CDH13: variants seen among roughly 807,000 people sequenced by gnomAD.
CDH13 encodes the protein cadherin-13.
A neutral mutation model predicts 63.8 loss-of-function variants in CDH13; 24 were observed. The observed-to-expected ratio is 0.38, with a 90% CI of 0.27 to 0.53. The LOEUF (loss-of-function observed/expected upper bound fraction) is 0.53. Among genes scored for constraint, CDH13 ranks in the 20% least tolerant of loss-of-function variants. CDH13 has a pLI of 0.85. For synonymous variants in CDH13, 503 were observed against 355.3 expected (o/e 1.42, Z -4.67); for missense variants, 1,049 against 903.1 (o/e 1.16, Z -2.07).
chr16:83,787,540 C>G (rs959186535), intron 13 of CDH13, among the ~76,000 whole-genome samples: 3 of 152,226 alleles, frequency 2.0e-5, no homozygotes, highest in African/African-American at 7.2e-5. Context: ...ATGACCAACG[C>G]TACTACAGTA....
rs561270578 is a variant in CDH13 at position 83,298,419 on chromosome 16, G to A, written c.637-46443G>A. On this transcript the variant is annotated intron_variant, in intron 5 of 13. Transcript: ENST00000567109. ...TCCCTGTGTAGCCCTTAGACAATAG[G>A]CATCAAAATTTCTTGAGTGTATGTG... Among the ~76,000 whole-genome samples, 5 of 152,194 alleles carry A rather than the reference G, an allele frequency of 3.3e-5. No homozygotes were observed. In the South Asian group the frequency reaches 8.3e-4, roughly 25 times the overall value.
chr16:82,894,240 C>G (rs903394184), intron 2 of CDH13, among the ~76,000 whole-genome samples: 1 of 152,124 alleles, frequency 6.6e-6, no homozygotes, highest in African/African-American at 2.4e-5. Context: ...CAGGTGTGAG[C>G]CACTCTGCCC....
intron 2 of CDH13, among the ~76,000 whole-genome samples, chr16:83,000,572 CTCT>C (rs1469279292): frequency 1.5e-5 from 2 of 133,962 alleles, no homozygotes; most frequent in African/African-American, 5.6e-5. Context: ...TTTTTCTTTT[CTCT>C]TTTTTTTTTT....
chr16:82,946,580 G>C (rs989244365), intron 2 of CDH13, among the ~76,000 whole-genome samples: 4 of 152,020 alleles, frequency 2.6e-5, no homozygotes, highest in East Asian at 1.9e-4. Context: ...AATTAGCCTG[G>C]CGTGGTGGCC....
chr16:82,688,089 G>C (rs1387245453), intron 1 of CDH13, among the ~76,000 whole-genome samples: 4 of 152,114 alleles, frequency 2.6e-5, no homozygotes, highest in Non-Finnish European at 5.9e-5. Context: ...TTACCTTTTT[G>C]TGAAGCTGGG....
At chr16:83,120,098 C>T (rs118122903) in intron 3 of CDH13, among the ~76,000 whole-genome samples, 2 of 151,988 alleles carry the variant, frequency 1.3e-5, no homozygotes, top group Non-Finnish European at 2.9e-5. Context: ...CACATGGTGA[C>T]TTCTCTACAA....
intron 5 of CDH13, among the ~76,000 whole-genome samples, chr16:83,278,206 T>A (rs1387362662): frequency 6.6e-6 from 1 of 152,208 alleles, no homozygotes; most frequent in Non-Finnish European, 1.5e-5. Context: ...TCTGGATTTT[T>A]AAAAAGTACA....
At chr16:83,281,616 C>G (rs943238888) in intron 5 of CDH13, among the ~76,000 whole-genome samples, 8 of 152,054 alleles carry the variant, frequency 5.3e-5, no homozygotes, top group African/African-American at 1.9e-4. Context: ...CGTCATTAAG[C>G]TTAATCAGTC....
At chr16:82,734,804 G>A (rs548991943) in intron 1 of CDH13, among the ~76,000 whole-genome samples, 3 of 152,280 alleles carry the variant, frequency 2.0e-5, no homozygotes, top group Admixed American at 2.0e-4. Context: ...TCTTTCAATG[G>A]CAACAACAGT....
chr16:83,487,642 C>T (rs2073920239), intron 7 of CDH13, among the ~76,000 whole-genome samples: 1 of 152,146 alleles, frequency 6.6e-6, no homozygotes, highest in African/African-American at 2.4e-5. Context: ...CTCCATCCAC[C>T]CTAAACCTGC....
At chr16:83,127,593 A>C (rs1350226614) in intron 4 of CDH13, among the ~76,000 whole-genome samples, 1 of 152,004 alleles carries the variant, frequency 6.6e-6, no homozygotes, top group South Asian at 2.1e-4. Context: ...AGCCAGTGTC[A>C]TGGCACGCCT....
intron 3 of CDH13, among the ~76,000 whole-genome samples, chr16:83,055,574 T>C (rs1377378290): frequency 4.0e-5 from 6 of 151,724 alleles, no homozygotes; most frequent in Non-Finnish European, 7.4e-5. Flanking sequence ...AAAAGAAATA[T>C]AAAATCTGGT....
intron 2 of CDH13, among the ~76,000 whole-genome samples, chr16:82,960,983 C>A (rs112687770): frequency 6.6e-6 from 1 of 152,140 alleles, no homozygotes; most frequent in Admixed American, 6.5e-5. Context: ...TGGAATGTTC[C>A]ACATTGGGTT....
rs935220139 is a variant in CDH13, at chr16:83,796,173, T to C, written c.*1143T>C. On this transcript the variant is annotated 3_prime_UTR_variant, in exon 14 of 14. Coordinates refer to ENST00000567109, the MANE Select transcript of CDH13 (RefSeq NM_001257.5). Reference sequence around the variant, plus strand: ...GTAACTGATTTGTATTCTGTGAGCATGTAAAAGCGGAAAGTTAGTGCTTGT... The same window carrying C: ...GTAACTGATTTGTATTCTGTGAGCACGTAAAAGCGGAAAGTTAGTGCTTGT... 6.6e-6 allele frequency: 1 copy of C among 152,500 alleles called. No homozygotes were observed. Among genetic ancestry groups the C allele is most frequent in the African/African-American group, 2.4e-5 (1 of 41,460 alleles). The allele number at this position is 152,500 out of a possible 1,614,324, so 9.4% of individuals were successfully genotyped here. A position where few individuals can be genotyped will look rare whatever the true frequency, so the allele number is the denominator to read the frequency against.
rs536606465 is a variant in CDH13 at position 83,058,867 on chromosome 16, A to G, written c.366+26649A>G. Among the ~76,000 whole-genome samples, 6 of 152,294 alleles carry G rather than the reference A, an allele frequency of 3.9e-5. No individual in the cohort carries two copies. In the East Asian group the frequency reaches 9.6e-4, roughly 24 times the overall value. The stretch of plus-strand genomic sequence containing the variant: ...AGATTATCTCTCTTCCAGGACTCTA[A>G]CAAGGCTTTGCAAGGATATTTTCTT... On this transcript the variant is annotated intron_variant, in intron 3 of 13. Transcript: ENST00000567109.
chr16:83,145,237 T>G (rs2036700702), intron 4 of CDH13, among the ~76,000 whole-genome samples: 1 of 152,168 alleles, frequency 6.6e-6, no homozygotes, highest in Non-Finnish European at 1.5e-5. Flanking sequence ...GCTGACAAAC[T>G]CGGAGCAGGG....
At chr16:82,812,084 C>A (rs1277035702) in intron 1 of CDH13, among the ~76,000 whole-genome samples, 1 of 152,134 alleles carries the variant, frequency 6.6e-6, no homozygotes, top group African/African-American at 2.4e-5. Context: ...CTGTGCCACC[C>A]TTTGTCTCTA....
At chr16:82,992,006 C>G (rs1911714060) in intron 2 of CDH13, among the ~76,000 whole-genome samples, 1 of 151,984 alleles carries the variant, frequency 6.6e-6, no homozygotes, top group South Asian at 2.1e-4. Context: ...GAAATAATTT[C>G]TAGCAAATTA....
At chr16:82,805,336 GTCTT>G (rs1228110766) in intron 1 of CDH13, among the ~76,000 whole-genome samples, 1 of 152,156 alleles carries the variant, frequency 6.6e-6, no homozygotes, top group Non-Finnish European at 1.5e-5. Flanking sequence ...GGAACTTTTG[GTCTT>G]TCTTCTCATT....
Sources: gnomAD v4.1 joint callset for allele counts (sites outside exome capture counted in the v4.1 genomes callset) on GRCh38, gnomAD v4.1.1 for gene constraint, MANE v1.5 for transcripts, NCBI Gene and HGNC (gene_info 2026-07-23, HGNC 2026-07-21) for gene names.